Variants in SGK1 observed in about 807,000 individuals in gnomAD.
SGK1 encodes serine/threonine-protein kinase Sgk1.
A neutral mutation model predicts 64.2 loss-of-function variants in SGK1; 26 were observed. The ratio of observed to expected loss-of-function variants is 0.40; its 90% CI spans 0.30 to 0.56. The LOEUF (loss-of-function observed/expected upper bound fraction) is 0.56, where lower values mean the gene tolerates loss of function less well. Ranked by LOEUF, SGK1 falls within the 20% of genes least tolerant of loss-of-function variation. The pLI is 0.38. For missense variants in SGK1, 519 were observed against 645.6 expected, an observed-to-expected ratio of 0.80 and a Z score of 2.12; for synonymous variants, 265 against 239.7, an observed-to-expected ratio of 1.11 and a Z score of -0.98.
intron 8 of SGK1, 104 bp downstream of exon 8, chr6:134,172,919 G>C: frequency 7.3e-6 from 10 of 1,363,480 alleles, no homozygotes; most frequent in Non-Finnish European, 1.0e-5. Flanking sequence ...GCTAATTCTG[G>C]TAACATTCTC....
chr6:134,267,184 TATTC>T lies in SGK1; in HGVS notation c.70-5040_70-5037del, dbSNP rs1776866950. Among the ~76,000 whole-genome samples the T allele has an allele frequency of 2.6e-5, 4 of 152,242 alleles. No homozygotes were observed. In the South Asian group the frequency reaches 8.3e-4, roughly 32 times the overall value. ...CCAACAAAATAAAATTTTTTTTAAA[TATTC>T]TTTTTTCATGTTATTTTTATTTCTT... is the stretch of plus-strand genomic sequence containing the variant. On this transcript the variant is annotated intron_variant, in intron 1 of 13. Coordinates refer to ENST00000367858, the MANE Select transcript of SGK1 (RefSeq NM_001143676.3).
intron 3 of SGK1, among the ~76,000 whole-genome samples, chr6:134,196,043 G>A (rs762013681): frequency 6.6e-5 from 10 of 152,090 alleles, no homozygotes; most frequent in Non-Finnish European, 1.2e-4. Flanking sequence ...CTAATTATAT[G>A]TTAACACAGT....
intron 2 of SGK1, among the ~76,000 whole-genome samples, chr6:134,231,442 G>C (rs1776277026): frequency 6.6e-6 from 1 of 152,070 alleles, no homozygotes; most frequent in African/African-American, 2.4e-5. Flanking sequence ...TTTTTAAATG[G>C]CAATATTCAA....
chr6:134,287,193 A>G (rs923260232), intron 1 of SGK1, among the ~76,000 whole-genome samples: 9 of 152,174 alleles, frequency 5.9e-5, no homozygotes, highest in African/African-American at 2.2e-4. Flanking sequence ...ACTGGTCTCA[A>G]ATTTGTGACC....
chr6:134,182,864 AAAG>A (rs754771536), intron 3 of SGK1, among the ~76,000 whole-genome samples: 24 of 152,378 alleles, frequency 1.6e-4, no homozygotes, highest in Non-Finnish European at 3.1e-4. Context: ...ATTACTGAAT[AAAG>A]ACTTGTTTAC....
chr6:134,177,571 C>T, intron 3 of SGK1: 1 of 904,596 alleles, frequency 1.1e-6, no homozygotes, highest in Non-Finnish European at 1.8e-6. Context: ...ACCAGAGACC[C>T]TCTCCTACAC....
At chr6:134,172,966 AAAAC>A in intron 8 of SGK1, 53 bp downstream of exon 8, 1 of 1,560,074 alleles carries the variant, frequency 6.4e-7, no homozygotes, top group Non-Finnish European at 8.7e-7. Context: ...TTCTCAAACT[AAAAC>A]AAAGCAGGCT....
intron 3 of SGK1, among the ~76,000 whole-genome samples, chr6:134,179,610 G>A (rs1775301368): frequency 6.6e-6 from 1 of 150,956 alleles, no homozygotes; most frequent in African/African-American, 2.4e-5. Context: ...TATAGACACA[G>A]GTTGTATAGT....
chr6:134,278,585 T>C (rs1777050262), intron 1 of SGK1, among the ~76,000 whole-genome samples: 1 of 152,180 alleles, frequency 6.6e-6, no homozygotes. Flanking sequence ...GCTGTATTGG[T>C]AATGGTTTCT....
intron 1 of SGK1, among the ~76,000 whole-genome samples, chr6:134,272,855 A>G (rs1776962419): frequency 6.7e-6 from 1 of 148,414 alleles, no homozygotes; most frequent in African/African-American, 2.4e-5. Context: ...CTCATTGTCA[A>G]ATCCAATAGA....
intron 3 of SGK1, among the ~76,000 whole-genome samples, chr6:134,190,904 G>T (rs901700032): frequency 1.3e-5 from 2 of 152,196 alleles, no homozygotes; most frequent in African/African-American, 4.8e-5. Context: ...AGGTTGCCTT[G>T]TTAGAACATG....
chr6:134,258,331 C>T (rs1776714186), intron 2 of SGK1, among the ~76,000 whole-genome samples: 1 of 152,038 alleles, frequency 6.6e-6, no homozygotes, highest in East Asian at 1.9e-4. Flanking sequence ...AAGCCATCCA[C>T]CCCCCTTGGC....
At chr6:134,232,851 CAA>C (rs1173880594) in intron 2 of SGK1, among the ~76,000 whole-genome samples, 9 of 103,266 alleles carry the variant, frequency 8.7e-5, no homozygotes, top group Admixed American at 3.1e-4. Flanking sequence ...GACTCCACCT[CAA>C]AAAAAAAAAA....
At chr6:134,312,834 G>A (rs545747957) in intron 1 of SGK1, among the ~76,000 whole-genome samples, 10 of 151,878 alleles carry the variant, frequency 6.6e-5, no homozygotes, top group Non-Finnish European at 1.0e-4. Context: ...GTGCAGTGGC[G>A]AGACCTCAGC....
chr6:134,245,111 GT>G (rs1056178779), intron 2 of SGK1, among the ~76,000 whole-genome samples: 4 of 152,132 alleles, frequency 2.6e-5, no homozygotes, highest in African/African-American at 9.7e-5. Context: ...AGGACCTGTA[GT>G]TTGTTTTTTG....
intron 2 of SGK1, among the ~76,000 whole-genome samples, chr6:134,223,520 G>A (rs1272568569): frequency 6.6e-6 from 1 of 151,936 alleles, no homozygotes; most frequent in Non-Finnish European, 1.5e-5. Flanking sequence ...TTTTCTCCTT[G>A]GACTTACCTC....
chr6:134,233,265 A>T (rs1219292354), intron 2 of SGK1, among the ~76,000 whole-genome samples: 1 of 152,196 alleles, frequency 6.6e-6, no homozygotes, highest in Non-Finnish European at 1.5e-5. Flanking sequence ...TCCCACTTAT[A>T]GTCTTCAATT....
intron 1 of SGK1, among the ~76,000 whole-genome samples, chr6:134,263,634 T>A (rs1362516536): frequency 6.6e-6 from 1 of 152,236 alleles, no homozygotes. Flanking sequence ...TTGTCTTGCT[T>A]GCTTGTAAAA....
intron 3 of SGK1, among the ~76,000 whole-genome samples, chr6:134,205,003 C>G (rs113564633): frequency 1.7e-3 from 257 of 150,282 alleles, no homozygotes; most frequent in African/African-American, 6.0e-3. Flanking sequence ...CTGTTTCTCT[C>G]TTTCTCTCTT....
Sources: allele counts gnomAD v4.1 joint callset (sites outside exome capture counted in the v4.1 genomes callset), GRCh38; gene constraint gnomAD v4.1.1; transcripts MANE v1.5; gene names NCBI Gene and HGNC (gene_info 2026-07-23, HGNC 2026-07-21).